The following COL4A2 variants were observed in gnomAD, a reference collection of about 807,000 sequenced individuals.
COL4A2 encodes the protein collagen type IV alpha 2 chain.
Under a neutral mutation model 200.2 loss-of-function variants are expected in COL4A2, and 99 were observed. That is an observed-to-expected ratio of 0.49 (90% CI 0.42 to 0.58). The LOEUF is 0.58. Ranked by LOEUF, COL4A2 falls within the 20% of genes least tolerant of loss-of-function variation. The pLI, the probability that COL4A2 is intolerant of heterozygous loss-of-function variation, is 0.00. For synonymous variants in COL4A2, 897 were observed against 900.6 expected (o/e 1.00, Z 0.07); for missense variants, 1,950 against 2,314.1 (o/e 0.84, Z 3.23).
intron 28 of COL4A2, among the ~76,000 whole-genome samples, chr13:110,470,104 G>A (rs1882410643): frequency 6.6e-6 from 1 of 151,820 alleles, no homozygotes; most frequent in African/African-American, 2.4e-5. Flanking sequence ...CAGTAGAGAC[G>A]GGGATTTCAC....
rs79928977 is a variant in COL4A2, at chr13:110,392,061, T to G, written c.181-32673T>G. 4.7e-3 allele frequency among the ~76,000 whole-genome samples: 708 copies of G among 152,230 alleles called. 5 individuals are homozygous for G. The highest frequency in any genetic ancestry group is 0.014 in the African/African-American group (596 of 41,536). On this transcript the variant is annotated intron_variant, in intron 4 of 47. Transcript: ENST00000360467. Reference sequence around the variant, plus strand: ...GGGAGTGGTAACAAAGACCCAAGTTTTCAACAACAAATGGCAGGAGGTGAA... The same window carrying G: ...GGGAGTGGTAACAAAGACCCAAGTTGTCAACAACAAATGGCAGGAGGTGAA...
At chr13:110,357,599 C>A in intron 4 of COL4A2, 47 bp downstream of exon 4, 1 of 1,550,434 alleles carries the variant, frequency 6.4e-7, no homozygotes, top group South Asian at 1.2e-5. Flanking sequence ...CTCATACAGT[C>A]ATGCCTCGCT....
At chr13:110,428,974 T>C (rs2139457860) in intron 7 of COL4A2, 1 of 167,920 alleles carries the variant, frequency 6.0e-6, no homozygotes, top group South Asian at 2.0e-4. Context: ...GCAGATACGA[T>C]GCAGGAGTTT....
At chr13:110,332,928 TG>T (rs1297942207) in intron 3 of COL4A2, among the ~76,000 whole-genome samples, 45 of 152,294 alleles carry the variant, frequency 3.0e-4, no homozygotes, top group African/African-American at 1.1e-3. Flanking sequence ...CAAATTCCCA[TG>T]GTAGCTATGT....
chr13:110,469,094 A>AT (rs1413048909), intron 27 of COL4A2, 123 bp from the exon 28 acceptor site: 2 of 1,104,986 alleles, frequency 1.8e-6, no homozygotes, highest in Non-Finnish European at 2.6e-6. Flanking sequence ...TCAGGCTGAT[A>AT]TTCCCCCCAG....
At chr13:110,322,291 C>A (rs1241239649) in intron 3 of COL4A2, among the ~76,000 whole-genome samples, 2 of 152,168 alleles carry the variant, frequency 1.3e-5, no homozygotes, top group Non-Finnish European at 2.9e-5. Context: ...TTCTGGTAAA[C>A]GTTCACCACT....
intron 16 of COL4A2, among the ~76,000 whole-genome samples, chr13:110,445,434 G>T (rs1185045587): frequency 6.6e-6 from 1 of 152,162 alleles, no homozygotes; most frequent in African/African-American, 2.4e-5. Context: ...AGGAAACGTG[G>T]GGTTAGAAGA....
chr13:110,378,086 C>T (rs372958474), intron 4 of COL4A2, among the ~76,000 whole-genome samples: 8 of 152,172 alleles, frequency 5.3e-5, no homozygotes, highest in Admixed American at 1.3e-4. Context: ...ATAGCCCAGG[C>T]GTCTCGAATC....
At chr13:110,439,702 G>C in intron 15 of COL4A2, 87 bp from the exon 16 acceptor site, 1 of 1,599,132 alleles carries the variant, frequency 6.3e-7, no homozygotes, top group Non-Finnish European at 8.5e-7. Context: ...ATTTTGCTGT[G>C]ATCACAGCCA....
Position 110,449,462 on chromosome 13 carries a change from A to G in COL4A2, c.1079-217A>G, listed in dbSNP as rs144972936. ...CTTTATTCGAGCTTTGGACTCACCT[A>G]CTTCCTCACCCGGTTTTCACTAATC... On this transcript the variant is annotated intron_variant, in intron 18 of 47. Coordinates refer to ENST00000360467, the MANE Select transcript of COL4A2 (RefSeq NM_001846.4). 0.015 allele frequency among the ~76,000 whole-genome samples: 2,287 copies of G among 152,250 alleles called. 38 individuals carry two copies. The highest frequency in any genetic ancestry group is 0.024 in the Non-Finnish European group (1,660 of 68,014).
Position 110,307,787 on chromosome 13 carries a change from G to T in COL4A2, c.-44-73G>T. ...GCACCGCGCTGTCCCCGCGTCTCGC[G>T]GACCGAGACCGGCGGTGAGGATGGG... On this transcript the variant is annotated intron_variant, in intron 1 of 47. Coordinates refer to ENST00000360467, the MANE Select transcript of COL4A2 (RefSeq NM_001846.4). This position sits in a 1 kb window ranked among gnomAD's most constrained non-coding sequence, Gnocchi z 5.0. The T allele has an allele frequency of 7.2e-7, 1 of 1,380,856 alleles. No individual in the cohort carries two copies. Among genetic ancestry groups the T allele is most frequent in the East Asian group, 2.5e-5 (1 of 40,198 alleles). The allele number at this position is 1,380,856 out of a possible 1,614,324, so 85.5% of individuals were successfully genotyped here. A position where few individuals can be genotyped will look rare whatever the true frequency, so the allele number is the denominator to read the frequency against.
intron 4 of COL4A2, among the ~76,000 whole-genome samples, chr13:110,385,120 G>A (rs1028903677): frequency 6.6e-6 from 1 of 152,194 alleles, no homozygotes; most frequent in African/African-American, 2.4e-5. Context: ...AAATTAGCCA[G>A]GCGCAGTGGC....
At chr13:110,496,332 C>T (rs1239134999) in intron 40 of COL4A2, among the ~76,000 whole-genome samples, 1 of 152,228 alleles carries the variant, frequency 6.6e-6, no homozygotes, top group African/African-American at 2.4e-5. Context: ...GATCACATCT[C>T]ACTCTCCAGG....
intron 12 of COL4A2, among the ~76,000 whole-genome samples, 197 bp downstream of exon 12, chr13:110,434,639 AGAC>A (rs1395011747): frequency 1.3e-5 from 2 of 152,250 alleles, no homozygotes; most frequent in Non-Finnish European, 2.9e-5. Flanking sequence ...TGCATCAACA[AGAC>A]GGTAAACATA....
At chr13:110,336,459 CG>C (rs767741910) in intron 3 of COL4A2, among the ~76,000 whole-genome samples, 2 of 152,156 alleles carry the variant, frequency 1.3e-5, no homozygotes, top group Non-Finnish European at 2.9e-5. Context: ...ATAACAATAG[CG>C]GCCGCTGGAG....
At chr13:110,479,857 G>A (rs549207509) in intron 30 of COL4A2, among the ~76,000 whole-genome samples, 11 of 152,172 alleles carry the variant, frequency 7.2e-5, no homozygotes, top group Admixed American at 2.6e-4. Flanking sequence ...AGTGATGTTC[G>A]CGAGGAACAG....
rs1223523258 is a variant in COL4A2 at position 110,429,874 on chromosome 13, C to A, written c.478-11C>A. 2 of 1,612,758 alleles carry A rather than the reference C, an allele frequency of 1.2e-6. No homozygotes were observed. The highest frequency in any genetic ancestry group is 1.7e-6 in the Non-Finnish European group (2 of 1,179,336). On this transcript the variant is annotated splice_polypyrimidine_tract_variant and intron_variant, in intron 7 of 47. Coordinates refer to ENST00000360467, the MANE Select transcript of COL4A2 (RefSeq NM_001846.4). Reference sequence around the variant, plus strand: ...GTTGTTTTTTCTTTTTACAATATATCTGCTAATTAGGGGCCCCAAGGACCA... The same window carrying A: ...GTTGTTTTTTCTTTTTACAATATATATGCTAATTAGGGGCCCCAAGGACCA...
intron 3 of COL4A2, among the ~76,000 whole-genome samples, chr13:110,338,489 C>T (rs1876308515): frequency 6.6e-6 from 1 of 152,056 alleles, no homozygotes; most frequent in African/African-American, 2.4e-5. Flanking sequence ...CTCTAGGGAG[C>T]CCGTTAAACC....
chr13:110,438,399 A>G (rs1045256168), intron 14 of COL4A2, among the ~76,000 whole-genome samples: 2 of 152,170 alleles, frequency 1.3e-5, no homozygotes, highest in Non-Finnish European at 2.9e-5. Context: ...TTACCACGTG[A>G]CATGACACAT....
Sources: allele counts gnomAD v4.1 joint callset (sites outside exome capture counted in the v4.1 genomes callset), GRCh38; gene constraint gnomAD v4.1.1; non-coding constraint Gnocchi (gnomAD v3.1); transcripts MANE v1.5; gene names NCBI Gene and HGNC (gene_info 2026-07-23, HGNC 2026-07-21).